The following NSL1 variants were observed in gnomAD, a reference collection of about 807,000 sequenced individuals.
NSL1 encodes NSL1 component of MIS12 kinetochore complex, also known as kinetochore-associated protein NSL1 homolog.
In NSL1, 11 loss-of-function variants were observed where a neutral mutation model predicts 25.4. The ratio of observed to expected loss-of-function variants is 0.43; its 90% CI spans 0.27 to 0.72. The LOEUF (loss-of-function observed/expected upper bound fraction) is 0.72, where lower values mean the gene tolerates loss of function less well. Ranked by LOEUF, NSL1 falls within the 30% of genes least tolerant of loss-of-function variation. The pLI, the probability that NSL1 is intolerant of heterozygous loss-of-function variation, is 0.19. For missense variants in NSL1, 330 were observed against 342.7 expected (o/e 0.96, Z 0.29); for synonymous variants, 118 against 120.6 (o/e 0.98, Z 0.14).
intron 4 of NSL1, among the ~76,000 whole-genome samples, chr1:212,745,189 TATATATATATATATGC>T (rs1322486595): frequency 4.0e-4 from 9 of 22,372 alleles, no homozygotes; most frequent in African/African-American, 1.1e-3. Flanking sequence ...TATATATATA[TATATATATATATATGC>T]ATATGCATAT....
chr1:212,777,183 G>A (rs1239981791), intron 4 of NSL1, among the ~76,000 whole-genome samples: 1 of 152,034 alleles, frequency 6.6e-6, no homozygotes, highest in African/African-American at 2.4e-5. Context: ...AGACCAGCCT[G>A]GGTAACATAG....
At position 212,745,160 on chromosome 1, in the gene NSL1, CTATAT is replaced by C. The variant is rs1183757835; in HGVS notation, c.500-5564_500-5560del. Among the ~76,000 whole-genome samples the C allele has an allele frequency of 2.6e-3, 300 of 117,504 alleles. 2 individuals are homozygous for C. The highest frequency in any genetic ancestry group is 5.5e-3 in the Admixed American group (58 of 10,506). The allele number at this position is 117,504 out of a possible 152,430, so 77.1% of individuals were successfully genotyped here. A position where few individuals can be genotyped will look rare whatever the true frequency, so the allele number is the denominator to read the frequency against. Reference sequence around the variant, plus strand: ...CAAAACAAACAAACAAACAAACAAACTATATATATATATATATATATATATATATA... The same window carrying C: ...CAAAACAAACAAACAAACAAACAAACATATATATATATATATATATATATA... On this transcript the variant is annotated intron_variant, in intron 4 of 5. Coordinates refer to ENST00000366977, the MANE Select transcript of NSL1 (RefSeq NM_015471.4).
intron 4 of NSL1, among the ~76,000 whole-genome samples, chr1:212,779,781 T>TG (rs1256873320): frequency 6.2e-5 from 5 of 80,870 alleles, no homozygotes; most frequent in African/African-American, 1.5e-4. Context: ...GGGAGGGAGG[T>TG]GGGGGGGTCA....
At chr1:212,763,156 G>A (rs1659652271) in intron 4 of NSL1, among the ~76,000 whole-genome samples, 1 of 152,140 alleles carries the variant, frequency 6.6e-6, no homozygotes, top group Admixed American at 6.5e-5. Flanking sequence ...TGAAAGAGCT[G>A]GGTGAGGCTC....
intron 4 of NSL1, among the ~76,000 whole-genome samples, chr1:212,747,803 T>TC (rs2102438679): frequency 6.6e-6 from 1 of 152,336 alleles, no homozygotes; most frequent in East Asian, 1.9e-4. Flanking sequence ...TCTCACTCTG[T>TC]CACCCAGGCT....
chr1:212,735,228 A>C lies in NSL1; in HGVS notation c.*3180T>G. On this transcript the variant is annotated 3_prime_UTR_variant, in exon 6 of 6. Transcript: ENST00000366977. Reference sequence around the variant, plus strand: ...TTAAGTAACTTGTCCAATATCATTGAACTAATAATGGTAGAACTGAAATCT... The same window carrying C: ...TTAAGTAACTTGTCCAATATCATTGCACTAATAATGGTAGAACTGAAATCT... 1.3e-6 allele frequency: 1 copy of C among 779,170 alleles called. No individual in the cohort carries two copies. The highest frequency in any genetic ancestry group is 1.6e-6 in the Non-Finnish European group (1 of 642,110). 48.3% of individuals were successfully genotyped at this position (779,170 alleles called of 1,614,324 possible).
Position 212,782,407 on chromosome 1 carries a change from A to T in NSL1, c.464T>A (p.Val155Glu). 6.2e-7 allele frequency: 1 copy of T among 1,610,726 alleles called. No individual in the cohort carries two copies. The highest frequency in any genetic ancestry group is 1.1e-5 in the South Asian group (1 of 90,996). ...GTCATATTTTAGGTCCAGTGGATGTACAACAGGGTGGTACTGCTTCTAAAC... is the reference window on the plus strand; with the variant it reads ...GTCATATTTTAGGTCCAGTGGATGTTCAACAGGGTGGTACTGCTTCTAAAC... ...QEILKQYHPV[V>E]HPLDLKYDPD... is the part of the protein sequence containing the mutation. Residue 155 changes from valine (V) to glutamate (E), a missense_variant, in exon 4 of 6, where the codon GTA becomes GAA. By Grantham distance (121) the Val-to-Glu change is moderately radical. Transcript: ENST00000366977.
At position 212,729,782 on chromosome 1, in the gene NSL1, T is replaced by A. The variant is rs1232424772; in HGVS notation, c.*8626A>T. 1 of 985,080 alleles carries A rather than the reference T, an allele frequency of 1.0e-6. No homozygotes were observed. The highest frequency in any genetic ancestry group is 1.8e-5 in the African/African-American group (1 of 57,134). 61.0% of individuals were successfully genotyped at this position (985,080 alleles called of 1,614,324 possible). A position where few individuals can be genotyped will look rare whatever the true frequency, so the allele number is the denominator to read the frequency against. On this transcript the variant is annotated 3_prime_UTR_variant, in exon 6 of 6. Coordinates refer to ENST00000366977, the MANE Select transcript of NSL1 (RefSeq NM_015471.4). ...TGGAGATGCTCGGCTATAAAACGGC[T>A]CAAAAGAACAGCTAGAACATGGAAA...
intron 4 of NSL1, among the ~76,000 whole-genome samples, chr1:212,763,229 A>G (rs1017046857): frequency 2.6e-5 from 4 of 152,140 alleles, no homozygotes; most frequent in African/African-American, 9.7e-5. Flanking sequence ...GCAGTTAACT[A>G]CCCTCTGGAA....
At chr1:212,779,897 G>A (rs573348408) in intron 4 of NSL1, among the ~76,000 whole-genome samples, 7 of 147,990 alleles carry the variant, frequency 4.7e-5, no homozygotes, top group African/African-American at 7.5e-5. Flanking sequence ...TCAGCCCCCC[G>A]CCCGAACAGC....
chr1:212,749,643 C>T (rs950783564), intron 4 of NSL1, among the ~76,000 whole-genome samples: 2 of 152,036 alleles, frequency 1.3e-5, no homozygotes, highest in African/African-American at 4.8e-5. Context: ...TTTGTGAAGC[C>T]TCTCACTAGG....
intron 4 of NSL1, among the ~76,000 whole-genome samples, chr1:212,743,033 C>A (rs1571867535): frequency 6.6e-6 from 1 of 152,046 alleles, no homozygotes; most frequent in East Asian, 1.9e-4. Context: ...AATTAAAATC[C>A]CTTTTAATTA....
At chr1:212,767,196 G>A (rs10863993) in intron 4 of NSL1, among the ~76,000 whole-genome samples, 2 of 151,980 alleles carry the variant, frequency 1.3e-5, no homozygotes, top group Non-Finnish European at 2.9e-5. Flanking sequence ...AAACTATACT[G>A]TTAGGCCACA....
At position 212,730,157 on chromosome 1, in the gene NSL1, T is replaced by C; in HGVS notation, c.*8251A>G. 1 of 884,818 alleles carries C rather than the reference T, an allele frequency of 1.1e-6. No homozygotes were observed. The highest frequency in any genetic ancestry group is 1.3e-6 in the Non-Finnish European group (1 of 752,128). The allele number at this position is 884,818 out of a possible 1,614,324, so 54.8% of individuals were successfully genotyped here. ...CCCAGCTACTCGGGAGGCTAAGGCA[T>C]GAGAACCTCTTGAACCTGGGAGGTG... On this transcript the variant is annotated 3_prime_UTR_variant, in exon 6 of 6. Transcript: ENST00000366977.
In NSL1 at chr1:212,731,256, C is replaced by A; in HGVS notation, c.*7152G>T. On this transcript the variant is annotated 3_prime_UTR_variant, in exon 6 of 6. Coordinates refer to ENST00000366977, the MANE Select transcript of NSL1 (RefSeq NM_015471.4). ...AAAAACAGAGAATAGTAAGTCTTAT[C>A]TGAAATATACTGTGATAGGCCAGGT... 1.0e-6 allele frequency: 1 copy of A among 984,808 alleles called. No individual in the cohort carries two copies. The allele number at this position is 984,808 out of a possible 1,614,324, so 61.0% of individuals were successfully genotyped here.
At position 212,731,385 on chromosome 1, in the gene NSL1, A is replaced by G. The variant is rs1462693118; in HGVS notation, c.*7023T>C. On this transcript the variant is annotated 3_prime_UTR_variant, in exon 6 of 6. Coordinates refer to ENST00000366977, the MANE Select transcript of NSL1 (RefSeq NM_015471.4). ...AGCCGGGGCAATATGGCGAGACCCC[A>G]TCTCTAAAACAAATAAACTAGCCGG... The G allele has an allele frequency of 2.0e-6, 2 of 982,960 alleles. No homozygotes were observed. The highest frequency in any genetic ancestry group is 6.2e-5 in the Admixed American group (1 of 16,252). 60.9% of individuals were successfully genotyped at this position (982,960 alleles called of 1,614,324 possible). A position where few individuals can be genotyped will look rare whatever the true frequency, so the allele number is the denominator to read the frequency against.
At position 212,726,986 on chromosome 1, in the gene NSL1, G is replaced by C; in HGVS notation, c.*11422C>G. 1 of 803,368 alleles carries C rather than the reference G, an allele frequency of 1.2e-6. No individual in the cohort carries two copies. Among genetic ancestry groups the C allele is most frequent in the Non-Finnish European group, 1.9e-6 (1 of 528,022 alleles). 49.8% of individuals were successfully genotyped at this position (803,368 alleles called of 1,614,324 possible). On this transcript the variant is annotated 3_prime_UTR_variant, in exon 6 of 6. Coordinates refer to ENST00000366977, the MANE Select transcript of NSL1 (RefSeq NM_015471.4). ...CACAGGGAGAGTGTGCTTCCTGGCTGTGTCCTCTCAGAGGCCCTCCAGTCC... is the reference window on the plus strand; with the variant it reads ...CACAGGGAGAGTGTGCTTCCTGGCTCTGTCCTCTCAGAGGCCCTCCAGTCC...
intron 3 of NSL1, among the ~76,000 whole-genome samples, chr1:212,783,513 A>T (rs923553640): frequency 1.3e-5 from 2 of 152,244 alleles, no homozygotes; most frequent in African/African-American, 4.8e-5. Flanking sequence ...GCATATAATG[A>T]CCTGAAACAA....
At chr1:212,754,969 T>G (rs768992634) in intron 4 of NSL1, among the ~76,000 whole-genome samples, 12 of 152,064 alleles carry the variant, frequency 7.9e-5, no homozygotes, top group Non-Finnish European at 1.3e-4. Flanking sequence ...CTGGGATTGT[T>G]TGGGGCCAGA....
Sources: allele counts gnomAD v4.1 joint callset (sites outside exome capture counted in the v4.1 genomes callset), GRCh38; gene constraint gnomAD v4.1.1; transcripts MANE v1.5; gene names NCBI Gene and HGNC (gene_info 2026-07-23, HGNC 2026-07-21).